Variants in TPP2 observed in about 807,000 individuals in gnomAD.
TPP2 encodes tripeptidyl-peptidase 2.
Under a neutral mutation model 155.9 loss-of-function variants are expected in TPP2, and 34 were observed. The ratio of observed to expected loss-of-function variants is 0.22; its 90% CI spans 0.17 to 0.29. The LOEUF (loss-of-function observed/expected upper bound fraction) is 0.29, where lower values mean the gene tolerates loss of function less well. Ranked by LOEUF, TPP2 falls within the 10% of genes least tolerant of loss-of-function variation. TPP2 has a pLI of 1.00. For synonymous variants in TPP2, 510 were observed against 529.4 expected (o/e 0.96, Z 0.50); for missense variants, 1,028 against 1,522.3 (o/e 0.68, Z 5.40).
chr13:102,679,894 G>A lies in TPP2; in HGVS notation c.*1578G>A, dbSNP rs1331444286. ...ACTACCTACAGCAGGAATCAGTAAC[G>A]TTTGGCCCTTTAACCCAAACTGGAC... On this transcript the variant is annotated 3_prime_UTR_variant, in exon 30 of 30. Transcript: ENST00000376052. 1 of 152,162 alleles carries A rather than the reference G, an allele frequency of 6.6e-6. No individual in the cohort carries two copies. The highest frequency in any genetic ancestry group is 1.5e-5 in the Non-Finnish European group (1 of 68,032). 9.4% of individuals were successfully genotyped at this position (152,162 alleles called of 1,614,324 possible).
intron 8 of TPP2, among the ~76,000 whole-genome samples, chr13:102,628,593 A>G (rs1881803437): frequency 6.6e-6 from 1 of 152,084 alleles, no homozygotes; most frequent in African/African-American, 2.4e-5. Flanking sequence ...TGCCAAATCC[A>G]GTGTCATGGC....
intron 10 of TPP2, 59 bp downstream of exon 10, chr13:102,630,254 A>G (rs1881929401): frequency 7.9e-7 from 1 of 1,265,076 alleles, no homozygotes; most frequent in Non-Finnish European, 1.1e-6. Flanking sequence ...TACACTGTTG[A>G]GAAGGGCAGA....
rs1885419745 is a variant in TPP2, at chr13:102,678,355, T to G, written c.*39T>G. 4 of 1,593,178 alleles carry G rather than the reference T, an allele frequency of 2.5e-6. No individual in the cohort carries two copies. The highest frequency in any genetic ancestry group is 3.4e-6 in the Non-Finnish European group (4 of 1,165,438). ...ACTTTAAATTTTAAAAAAGGAAGTT[T>G]TATAGTGAATGGGTATAAAAACAAA... On this transcript the variant is annotated 3_prime_UTR_variant, in exon 30 of 30. Coordinates refer to ENST00000376052, the MANE Select transcript of TPP2 (RefSeq NM_001330588.2).
At chr13:102,644,348 G>A (rs1882959218) in intron 17 of TPP2, among the ~76,000 whole-genome samples, 1 of 152,132 alleles carries the variant, frequency 6.6e-6, no homozygotes, top group Admixed American at 6.5e-5. Flanking sequence ...ATAGGGTTAT[G>A]AGTAAATAAC....
intron 25 of TPP2, among the ~76,000 whole-genome samples, chr13:102,661,313 C>T (rs1014806233): frequency 2.0e-5 from 3 of 146,626 alleles, no homozygotes; most frequent in African/African-American, 5.1e-5. Flanking sequence ...TGCAGTGGCA[C>T]GATCATAGCT....
intron 24 of TPP2, 27 bp from the exon 25 acceptor site, chr13:102,657,029 T>C (rs1203505521): frequency 3.8e-6 from 6 of 1,568,566 alleles, no homozygotes; most frequent in Non-Finnish European, 4.3e-6. Flanking sequence ...AGCATATTAA[T>C]CTAAGAATCT....
intron 9 of TPP2, 114 bp downstream of exon 9, chr13:102,629,723 G>A: frequency 2.2e-6 from 3 of 1,353,900 alleles, no homozygotes; most frequent in Non-Finnish European, 2.9e-6. Context: ...CACCTTAAGT[G>A]TGTCCTCAGG....
chr13:102,636,990 A>G, intron 13 of TPP2, 92 bp from the exon 14 acceptor site: 3 of 1,378,080 alleles, frequency 2.2e-6, no homozygotes, highest in Non-Finnish European at 2.9e-6. Flanking sequence ...AACCAAACCA[A>G]GTCGCTAAAT....
chr13:102,653,534 A>G (rs1225374112), intron 24 of TPP2, among the ~76,000 whole-genome samples: 2 of 152,048 alleles, frequency 1.3e-5, no homozygotes, highest in East Asian at 1.9e-4. Flanking sequence ...GGCTGGGACT[A>G]CAGGCGTGTG....
chr13:102,651,495 C>A lies in TPP2; in HGVS notation c.2991+98C>A, dbSNP rs1209403960. 8.8e-6 allele frequency: 11 copies of A among 1,248,350 alleles called. No individual in the cohort carries two copies. The East Asian group carries it at 2.0e-4, about 23-fold the overall frequency. 77.3% of individuals were successfully genotyped at this position (1,248,350 alleles called of 1,614,324 possible). On this transcript the variant is annotated intron_variant, in intron 24 of 29. Coordinates refer to ENST00000376052, the MANE Select transcript of TPP2 (RefSeq NM_001330588.2). The stretch of plus-strand genomic sequence containing the variant: ...TATAAACCTTTTTTTTAATAAGTCT[C>A]CCTTAGTTTCCTTTCTTTGCATTCT...
intron 27 of TPP2, among the ~76,000 whole-genome samples, chr13:102,672,030 T>C (rs1259885294): frequency 6.6e-6 from 1 of 152,126 alleles, no homozygotes; most frequent in African/African-American, 2.4e-5. Context: ...CTGCGCAGTC[T>C]CTTCACCTTC....
intron 22 of TPP2, 41 bp downstream of exon 22, chr13:102,649,192 C>T (rs1883336597): frequency 2.6e-6 from 4 of 1,538,626 alleles, no homozygotes; most frequent in South Asian, 2.6e-5. Flanking sequence ...CCATCGTATA[C>T]ACTGTAGTCC....
chr13:102,656,498 G>C (rs112763925), intron 24 of TPP2, among the ~76,000 whole-genome samples: 1 of 152,112 alleles, frequency 6.6e-6, no homozygotes, highest in African/African-American at 2.4e-5. Context: ...GCTCCCCCTC[G>C]TTACCTGACA....
Position 102,647,051 on chromosome 13 carries a change from C to T in TPP2, c.2491-156C>T, listed in dbSNP as rs149418975. On this transcript the variant is annotated intron_variant, in intron 20 of 29. Transcript: ENST00000376052. The stretch of plus-strand genomic sequence containing the variant: ...AAGAGAGCAGTGACTTTTATAAGTG[C>T]TAAAATACTGTGTGTTCTATATTTT... Among the ~76,000 whole-genome samples the T allele has an allele frequency of 1.6e-4, 24 of 152,180 alleles. No individual in the cohort carries two copies. In the East Asian group the frequency reaches 4.6e-3, roughly 29 times the overall value.
At position 102,676,392 on chromosome 13, in the gene TPP2, G is replaced by C. The variant is rs1355255863; in HGVS notation, c.3676G>C (p.Glu1226Gln). 2 of 1,610,436 alleles carry C rather than the reference G, an allele frequency of 1.2e-6. No homozygotes were observed. The highest frequency in any genetic ancestry group is 1.7e-6 in the Non-Finnish European group (2 of 1,177,720). The change falls in exon 29 of 30, where the codon GAA becomes CAA. Residue 1226 changes from glutamate (E) to glutamine (Q), a missense_variant. Physicochemically the swap from Glu to Gln is conservative, Grantham distance 29. Coordinates refer to ENST00000376052, the MANE Select transcript of TPP2 (RefSeq NM_001330588.2). The part of the protein sequence containing the change: ...TKLVEEKPTK[E>Q]NWKNCIQLMK... ...ACTTGTGGAAGAAAAACCAACAAAA[G>C]AAAACTGGAAAAATTGTATTCAAGT...
chr13:102,653,915 A>G (rs1253144936), intron 24 of TPP2, among the ~76,000 whole-genome samples: 3 of 152,148 alleles, frequency 2.0e-5, no homozygotes, highest in East Asian at 3.9e-4. Flanking sequence ...TCTGAATAAC[A>G]CTGTTCAGTT....
intron 5 of TPP2, among the ~76,000 whole-genome samples, chr13:102,620,880 C>CT (rs1881111684): frequency 6.6e-6 from 1 of 152,136 alleles, no homozygotes; most frequent in Non-Finnish European, 1.5e-5. Context: ...GTCATGTTTC[C>CT]TTTTAGATTC....
At chr13:102,626,885 C>G in intron 6 of TPP2, 127 bp from the exon 7 acceptor site, 1 of 932,270 alleles carries the variant, frequency 1.1e-6, no homozygotes, top group Non-Finnish European at 1.5e-6. Context: ...TGAGTTTTTG[C>G]TCTCCATGAA....
chr13:102,617,341 C>G (rs896949958), intron 4 of TPP2, among the ~76,000 whole-genome samples: 2 of 152,052 alleles, frequency 1.3e-5, no homozygotes, highest in African/African-American at 4.8e-5. Context: ...GTCCTTGGTT[C>G]CCATATACTG....
Sources: gnomAD v4.1 joint callset for allele counts (sites outside exome capture counted in the v4.1 genomes callset) on GRCh38, gnomAD v4.1.1 for gene constraint, MANE v1.5 for transcripts, NCBI Gene and HGNC (gene_info 2026-07-23, HGNC 2026-07-21) for gene names.